MSH3: variants seen among roughly 807,000 people sequenced by gnomAD.
The protein encoded by MSH3 is DNA mismatch repair protein Msh3.
A neutral mutation model predicts 123.3 loss-of-function variants in MSH3; 106 were observed. The observed-to-expected ratio is 0.86, with a 90% CI of 0.73 to 1.01. MSH3 has a LOEUF of 1.01. Among genes scored for constraint, MSH3 ranks in the 50% least tolerant of loss-of-function variants. MSH3 has a pLI of 0.00. For missense variants in MSH3, 1,459 were observed against 1,347.6 expected (o/e 1.08, Z -1.29); for synonymous variants, 515 against 481.4 (o/e 1.07, Z -0.91).
chr5:80,827,264 G>A (rs934695182), intron 20 of MSH3, among the ~76,000 whole-genome samples: 2 of 152,184 alleles, frequency 1.3e-5, no homozygotes, highest in African/African-American at 4.8e-5. Flanking sequence ...ATATTTACTC[G>A]ATGTGGCCCA....
intron 8 of MSH3, among the ~76,000 whole-genome samples, chr5:80,705,956 A>ATATG (rs1234186985): frequency 6.6e-6 from 1 of 152,190 alleles, no homozygotes; most frequent in Admixed American, 6.5e-5. Flanking sequence ...ATAGGGACAT[A>ATATG]ATTCAACTCA....
Position 80,864,863 on chromosome 5 carries a change from A to G in MSH3, c.3051A>G (p.Leu1017=). ...CCCATTATCCGCCAGTTTGTGAACT[A>G]GAAAAAAATTACTCACACCAGGTGG... ...FVTHYPPVCE[L]EKNYSHQVGN... is the part of the protein sequence containing the mutation. The change falls in exon 22 of 24, where the codon CTA becomes CTG. Residue 1017 remains leucine (L), a synonymous_variant. Transcript: ENST00000265081. 1 of 1,613,582 alleles carries G rather than the reference A, an allele frequency of 6.2e-7. No homozygotes were observed. The highest frequency in any genetic ancestry group is 8.5e-7 in the Non-Finnish European group (1 of 1,179,504).
At chr5:80,743,060 G>A (rs529682125) in intron 11 of MSH3, among the ~76,000 whole-genome samples, 5 of 151,934 alleles carry the variant, frequency 3.3e-5, no homozygotes, top group East Asian at 1.9e-4. Context: ...CACCCCCACC[G>A]CCCCTCGCCC....
chr5:80,858,202 A>C (rs986168595), intron 21 of MSH3, among the ~76,000 whole-genome samples: 1 of 151,680 alleles, frequency 6.6e-6, no homozygotes, highest in South Asian at 2.1e-4. Context: ...ATGCCACAAC[A>C]CCCAGCTAAT....
chr5:80,808,861 A>ATATATATATATATCTGTATATATATC (rs1248778231), intron 19 of MSH3, among the ~76,000 whole-genome samples: 3 of 103,030 alleles, frequency 2.9e-5, no homozygotes, highest in African/African-American at 1.3e-4. Flanking sequence ...TCTTCTTCAT[A>ATATATATATATATCTGTATATATATC]TATATATATA....
At position 80,784,231 on chromosome 5, in the gene MSH3, AAAAAAAAAG is replaced by A. The variant is rs1257937674; in HGVS notation, c.2436-3333_2436-3325del. Among the ~76,000 whole-genome samples, 215 of 132,844 alleles carry A rather than the reference AAAAAAAAAG, an allele frequency of 1.6e-3. 27 individuals carry two copies. The highest frequency in any genetic ancestry group is 4.2e-3 in the African/African-American group (124 of 29,282). The allele number at this position is 132,844 out of a possible 152,430, so 87.2% of individuals were successfully genotyped here. A position where few individuals can be genotyped will look rare whatever the true frequency, so the allele number is the denominator to read the frequency against. On this transcript the variant is annotated intron_variant, in intron 17 of 23. Transcript: ENST00000265081. ...ACGTCGCAAAAAAAAAAAAAAAAAA[AAAAAAAAAG>A]GGAAATAAATAAATAAATAAATAAA...
intron 8 of MSH3, among the ~76,000 whole-genome samples, chr5:80,705,989 T>C (rs926409907): frequency 2.6e-5 from 4 of 152,210 alleles, no homozygotes; most frequent in Non-Finnish European, 5.9e-5. Context: ...AGGACATTCT[T>C]TTCCACCTCC....
chr5:80,672,713 A>C lies in MSH3; in HGVS notation c.910-28A>C, dbSNP rs767758514. 2 of 1,532,670 alleles carry C rather than the reference A, an allele frequency of 1.3e-6. No homozygotes were observed. The highest frequency in any genetic ancestry group is 2.2e-5 in the East Asian group (1 of 44,502). 94.9% of individuals were successfully genotyped at this position (1,532,670 alleles called of 1,614,324 possible). ...TTTACAAGTCATTTTTTATCCTTTGATAGCAATATTTCTTATTTTTGTTGA... is the reference window on the plus strand; with the variant it reads ...TTTACAAGTCATTTTTTATCCTTTGCTAGCAATATTTCTTATTTTTGTTGA... On this transcript the variant is annotated intron_variant, in intron 5 of 23. Coordinates refer to ENST00000265081, the MANE Select transcript of MSH3 (RefSeq NM_002439.5).
intron 17 of MSH3, among the ~76,000 whole-genome samples, chr5:80,784,922 AG>A (rs1744477297): frequency 6.6e-6 from 1 of 151,742 alleles, no homozygotes; most frequent in African/African-American, 2.4e-5. Flanking sequence ...CACAAAAAAC[AG>A]AAATAAAGCT....
intron 12 of MSH3, among the ~76,000 whole-genome samples, chr5:80,755,449 T>C (rs1743909562): frequency 6.6e-6 from 1 of 152,198 alleles, no homozygotes; most frequent in Non-Finnish European, 1.5e-5. Context: ...CTGCTTTATC[T>C]TTCTCCATCT....
intron 20 of MSH3, among the ~76,000 whole-genome samples, chr5:80,818,374 T>C (rs1474722748): frequency 1.5e-4 from 22 of 148,120 alleles, no homozygotes; most frequent in African/African-American, 5.5e-4. Context: ...CTGGTGTTTT[T>C]TTTTTTTTAA....
At chr5:80,655,321 A>AT (rs1316734289) in intron 1 of MSH3, 6 of 242,760 alleles carry the variant, frequency 2.5e-5, no homozygotes, top group East Asian at 6.0e-5. Context: ...AGTTTTACTG[A>AT]TTTTTTAAAA....
intron 2 of MSH3, among the ~76,000 whole-genome samples, chr5:80,659,626 T>C (rs1749382722): frequency 6.6e-6 from 1 of 152,184 alleles, no homozygotes; most frequent in South Asian, 2.1e-4. Context: ...TGTGGTAAAA[T>C]ATACATAACA....
At chr5:80,749,517 TAATCTCCTTTGGC>T (rs1743793669) in intron 12 of MSH3, among the ~76,000 whole-genome samples, 1 of 152,184 alleles carries the variant, frequency 6.6e-6, no homozygotes, top group African/African-American at 2.4e-5. Context: ...GACTAAATGT[TAATCTCCTTTGGC>T]AATACCCTCA....
intron 9 of MSH3, among the ~76,000 whole-genome samples, chr5:80,728,538 G>GT (rs760866308): frequency 2.0e-5 from 3 of 152,124 alleles, no homozygotes; most frequent in Admixed American, 6.5e-5. Flanking sequence ...TTGACATGCA[G>GT]TTTGGAGTAT....
intron 8 of MSH3, among the ~76,000 whole-genome samples, chr5:80,692,144 GTTTAGATAGATAGATAAACATGTATATGT>G: frequency 6.9e-6 from 1 of 144,764 alleles, no homozygotes; most frequent in African/African-American, 2.5e-5. Context: ...ACATGTATAT[GTTTAGATAGATAGATAAACATGTATATGT>G]TTAGATAGAT....
chr5:80,875,939 C>A lies in MSH3; in HGVS notation c.*77C>A. 1.1e-6 allele frequency: 1 copy of A among 871,404 alleles called. No individual in the cohort carries two copies. The allele number at this position is 871,404 out of a possible 1,614,324, so 54.0% of individuals were successfully genotyped here. A position where few individuals can be genotyped will look rare whatever the true frequency, so the allele number is the denominator to read the frequency against. On this transcript the variant is annotated 3_prime_UTR_variant, in exon 24 of 24. Transcript: ENST00000265081. Reference sequence around the variant, plus strand: ...TACAAAATAACTCTCCAGTAACAGCCTATCTTTGTGTGACATGTGAGCATA... The same window carrying A: ...TACAAAATAACTCTCCAGTAACAGCATATCTTTGTGTGACATGTGAGCATA...
At chr5:80,831,771 G>C (rs1745421803) in intron 20 of MSH3, among the ~76,000 whole-genome samples, 1 of 151,446 alleles carries the variant, frequency 6.6e-6, no homozygotes, top group Admixed American at 6.6e-5. Flanking sequence ...AAGTGAATGG[G>C]AACATCTTCA....
chr5:80,766,682 C>G (rs1437118423), intron 13 of MSH3, among the ~76,000 whole-genome samples: 1 of 151,766 alleles, frequency 6.6e-6, no homozygotes, highest in Non-Finnish European at 1.5e-5. Context: ...ACTGTCGTTT[C>G]AAGATGGAGA....
Sources: allele counts gnomAD v4.1 joint callset (sites outside exome capture counted in the v4.1 genomes callset), GRCh38; gene constraint gnomAD v4.1.1; transcripts MANE v1.5; gene names NCBI Gene and HGNC (gene_info 2026-07-23, HGNC 2026-07-21).